AUH: variants seen among roughly 807,000 people sequenced by gnomAD.
The protein encoded by AUH is AU RNA binding methylglutaconyl-CoA hydratase.
A neutral mutation model predicts 42.3 loss-of-function variants in AUH; 29 were observed. The observed-to-expected ratio is 0.69, with a 90% CI of 0.51 to 0.93. The LOEUF (loss-of-function observed/expected upper bound fraction) is 0.93. AUH is among the 40% of genes least tolerant of loss of function. The pLI, the probability that AUH is intolerant of heterozygous loss-of-function variation, is 0.00. For missense variants in AUH, 452 were observed against 438.1 expected (o/e 1.03, Z -0.28); for synonymous variants, 174 against 166.4 (o/e 1.05, Z -0.35).
At chr9:91,293,237 C>A (rs909958648) in intron 6 of AUH, among the ~76,000 whole-genome samples, 4 of 152,210 alleles carry the variant, frequency 2.6e-5, no homozygotes, top group African/African-American at 9.6e-5. Context: ...CAAAGATCCA[C>A]ACGTCTCTCA....
intron 3 of AUH, chr9:91,342,609 T>C (rs969501982): frequency 1.3e-5 from 2 of 152,204 alleles, no homozygotes; most frequent in African/African-American, 4.8e-5. Context: ...ATATATTTCC[T>C]ATTCCTTAAA....
intron 3 of AUH, among the ~76,000 whole-genome samples, chr9:91,342,461 C>A (rs891164086): frequency 6.6e-6 from 1 of 152,162 alleles, no homozygotes; most frequent in Non-Finnish European, 1.5e-5. Context: ...GTCATTTCTG[C>A]CTCCCACACA....
rs1832864765 is a variant in AUH at position 91,361,644 on chromosome 9, C to G, written c.246G>C (p.Leu82=). Residue 82 remains leucine (L), a synonymous_variant, in exon 1 of 10, where the codon CTG becomes CTC. Coordinates refer to ENST00000375731, the MANE Select transcript of AUH (RefSeq NM_001698.3). ...KTEDELRVRH[L]EEENRGIVVL... ...GCACCTCACCTCGGTTCTCCTCCTC[C>G]AGGTGCCGCACCCGCAGCTCGTCCT... The G allele has an allele frequency of 6.3e-7, 1 of 1,584,254 alleles. No homozygotes were observed. Among genetic ancestry groups the G allele is most frequent in the African/African-American group, 1.4e-5 (1 of 74,002 alleles).
intron 6 of AUH, among the ~76,000 whole-genome samples, chr9:91,276,580 A>G (rs1378089020): frequency 6.6e-6 from 1 of 152,146 alleles, no homozygotes; most frequent in African/African-American, 2.4e-5. Flanking sequence ...ACAGGTCATT[A>G]TTTTTTCGAA....
At chr9:91,265,361 T>C (rs1051346076) in intron 6 of AUH, among the ~76,000 whole-genome samples, 4 of 152,084 alleles carry the variant, frequency 2.6e-5, no homozygotes, top group Non-Finnish European at 5.9e-5. Context: ...AAATTTTCAT[T>C]TCAGCAATCC....
intron 4 of AUH, among the ~76,000 whole-genome samples, chr9:91,315,309 T>C (rs1829071368): frequency 6.6e-6 from 1 of 152,202 alleles, no homozygotes; most frequent in Middle Eastern, 3.2e-3. Context: ...TGCCATTTGT[T>C]ACACATGGGT....
intron 4 of AUH, among the ~76,000 whole-genome samples, chr9:91,304,786 C>CA (rs1229791933): frequency 6.6e-6 from 1 of 151,768 alleles, no homozygotes; most frequent in Admixed American, 6.6e-5. Flanking sequence ...GTAAAAAAGC[C>CA]AAAAAAACAA....
At chr9:91,357,495 G>A in intron 1 of AUH, 1 of 967,320 alleles carries the variant, frequency 1.0e-6, no homozygotes, top group Non-Finnish European at 1.2e-6. Context: ...ATAGTGATCA[G>A]CAGCCATGGA....
intron 6 of AUH, among the ~76,000 whole-genome samples, chr9:91,278,877 T>C (rs57455882): frequency 0.042 from 6,347 of 152,216 alleles, 414 homozygotes; most frequent in African/African-American, 0.14. Flanking sequence ...AAAATAATTA[T>C]GCTCAGGAAA....
chr9:91,307,971 A>G (rs1482491171), intron 4 of AUH, among the ~76,000 whole-genome samples: 3 of 152,248 alleles, frequency 2.0e-5, no homozygotes, highest in Admixed American at 6.5e-5. Context: ...TTTCTAAAGA[A>G]ACAGTGGATC....
chr9:91,286,557 G>A (rs1284462164), intron 6 of AUH, among the ~76,000 whole-genome samples: 1 of 152,046 alleles, frequency 6.6e-6, no homozygotes, highest in Non-Finnish European at 1.5e-5. Flanking sequence ...ATCACCCAAA[G>A]TGGGATGACC....
chr9:91,315,489 G>C (rs979883584), intron 4 of AUH, among the ~76,000 whole-genome samples: 11 of 152,132 alleles, frequency 7.2e-5, no homozygotes, highest in African/African-American at 2.7e-4. Flanking sequence ...ATTCTGGCCA[G>C]AGGCTGTGCT....
intron 6 of AUH, among the ~76,000 whole-genome samples, chr9:91,273,834 T>C (rs943225425): frequency 2.0e-5 from 3 of 152,214 alleles, no homozygotes; most frequent in South Asian, 4.1e-4. Context: ...TCTGAGCTCT[T>C]TGACGAACAA....
intron 6 of AUH, among the ~76,000 whole-genome samples, chr9:91,264,091 G>A (rs1035111283): frequency 5.9e-5 from 9 of 152,038 alleles, no homozygotes; most frequent in Non-Finnish European, 1.2e-4. Flanking sequence ...TTGAAAATCA[G>A]TAATCAGTAT....
intron 6 of AUH, among the ~76,000 whole-genome samples, chr9:91,232,037 C>T (rs989679807): frequency 4.6e-5 from 7 of 152,154 alleles, no homozygotes; most frequent in Non-Finnish European, 8.8e-5. Flanking sequence ...TTGGTGAAGT[C>T]GTGGATATGT....
intron 3 of AUH, among the ~76,000 whole-genome samples, chr9:91,353,866 T>C (rs1457906556): frequency 1.0e-4 from 15 of 145,590 alleles, no homozygotes; most frequent in South Asian, 6.5e-4. Context: ...ACTGGTCAGC[T>C]TATAAATGTA....
intron 6 of AUH, among the ~76,000 whole-genome samples, chr9:91,250,472 G>A (rs894264017): frequency 1.3e-5 from 2 of 152,132 alleles, no homozygotes; most frequent in African/African-American, 4.8e-5. Flanking sequence ...TTCCACACAC[G>A]GAGACAGGTG....
At chr9:91,284,698 G>T (rs1418582480) in intron 6 of AUH, among the ~76,000 whole-genome samples, 1 of 152,116 alleles carries the variant, frequency 6.6e-6, no homozygotes, top group East Asian at 1.9e-4. Flanking sequence ...GCAGCCAACA[G>T]ACACATGAAA....
rs1266703060 is a variant in AUH at position 91,361,859 on chromosome 9, C to T, written c.31G>A (p.Ala11Thr). ...CCGCCAGCATGCAGGGATCCCAAGG[C>T]CCCAGGTGCCGCCGCCACCGCGGCC... The part of the protein sequence containing the change: MAAAVAAAPG[A>T]LGSLHAGGAR... The change falls in exon 1 of 10, where the codon GCC becomes ACC. Residue 11 changes from alanine to threonine, a missense_variant. By Grantham distance (58) the Ala-to-Thr change is moderately conservative (BLOSUM62 0). Transcript: ENST00000375731. The T allele has an allele frequency of 3.4e-6, 5 of 1,476,950 alleles. No homozygotes were observed. Among genetic ancestry groups the T allele is most frequent in the Middle Eastern group, 2.1e-4 (1 of 4,796 alleles). The allele number at this position is 1,476,950 out of a possible 1,614,324, so 91.5% of individuals were successfully genotyped here. A position where few individuals can be genotyped will look rare whatever the true frequency, so the allele number is the denominator to read the frequency against.
Sources: allele counts gnomAD v4.1 joint callset (sites outside exome capture counted in the v4.1 genomes callset), GRCh38; gene constraint gnomAD v4.1.1; transcripts MANE v1.5; gene names NCBI Gene and HGNC (gene_info 2026-07-23, HGNC 2026-07-21).